PDE8B: variants seen among roughly 807,000 people sequenced by gnomAD.
PDE8B encodes high affinity cAMP-specific and IBMX-insensitive 3',5'-cyclic phosphodiesterase 8B.
A neutral mutation model predicts 101.3 loss-of-function variants in PDE8B; 26 were observed. That is an observed-to-expected ratio of 0.26 (90% CI 0.19 to 0.36). The LOEUF (loss-of-function observed/expected upper bound fraction) is 0.36. Among genes scored for constraint, PDE8B ranks in the 10% least tolerant of loss-of-function variants. The probability of loss-of-function intolerance (pLI) is 1.00; values close to 1 mark genes in which losing one functional copy is unlikely to be tolerated. For missense variants in PDE8B, 810 were observed against 1,163.1 expected, an observed-to-expected ratio of 0.70 and a Z score of 4.42; for synonymous variants, 424 against 429.3, an observed-to-expected ratio of 0.99 and a Z score of 0.15.
At chr5:77,138,553 AGTTT>A in the PDE8B span, among the ~76,000 whole-genome samples, 1 of 152,108 alleles carries the variant, frequency 6.6e-6, no homozygotes, top group Non-Finnish European at 1.5e-5. Flanking sequence ...ATTTCCTATC[AGTTT>A]GTTTATCAAA....
At chr5:77,271,749 A>T (rs1263224486) in intron 1 of PDE8B, among the ~76,000 whole-genome samples, 1 of 152,206 alleles carries the variant, frequency 6.6e-6, no homozygotes, top group Non-Finnish European at 1.5e-5. Context: ...AATGGGAGCC[A>T]CTGTTTCTTG....
the PDE8B span, among the ~76,000 whole-genome samples, chr5:77,166,226 TAAA>T: frequency 2.9e-4 from 34 of 116,354 alleles, no homozygotes; most frequent in East Asian, 2.1e-3. Flanking sequence ...TCGGTAAAGA[TAAA>T]AAAAAAAAAA....
intron 1 of PDE8B, among the ~76,000 whole-genome samples, chr5:77,279,523 C>CT (rs1561461047): frequency 6.6e-6 from 1 of 152,154 alleles, no homozygotes; most frequent in Non-Finnish European, 1.5e-5. Flanking sequence ...CGTCAATCCT[C>CT]TTTTTTTAAA....
At chr5:77,107,433 A>G in the PDE8B span, among the ~76,000 whole-genome samples, 1 of 152,228 alleles carries the variant, frequency 6.6e-6, no homozygotes, top group Non-Finnish European at 1.5e-5. Flanking sequence ...TAGATTCCTT[A>G]GGATTTTCTA....
chr5:77,355,020 C>T (rs1484298479), intron 10 of PDE8B, among the ~76,000 whole-genome samples: 1 of 152,228 alleles, frequency 6.6e-6, no homozygotes, highest in African/African-American at 2.4e-5. Flanking sequence ...CCTTGTGTGC[C>T]CACACTGCCT....
chr5:77,217,616 A>C (rs910874084), intron 1 of PDE8B, among the ~76,000 whole-genome samples: 2 of 151,414 alleles, frequency 1.3e-5, no homozygotes, highest in African/African-American at 4.9e-5. Context: ...GCTAACTGCA[A>C]CCTCCGCCTC....
chr5:77,305,639 AG>A (rs1356313594), intron 1 of PDE8B, among the ~76,000 whole-genome samples: 2 of 152,206 alleles, frequency 1.3e-5, no homozygotes, highest in Non-Finnish European at 2.9e-5. Context: ...GAGGACAGAC[AG>A]GGGCCCATTA....
chr5:77,321,142 A>ATTTTTTTTTTT (rs10538529), intron 2 of PDE8B, among the ~76,000 whole-genome samples: 3 of 76,430 alleles, frequency 3.9e-5, no homozygotes, highest in Non-Finnish European at 7.4e-5. Flanking sequence ...CAGTATCTCT[A>ATTTTTTTTTTT]TTTTTTTTTT....
chr5:77,386,537 T>G (rs1449921468), intron 10 of PDE8B, among the ~76,000 whole-genome samples: 1 of 152,234 alleles, frequency 6.6e-6, no homozygotes, highest in Non-Finnish European at 1.5e-5. Flanking sequence ...TGTAATGGCC[T>G]TCTTTTTCTC....
chr5:77,238,953 T>C (rs1755220328), intron 1 of PDE8B, among the ~76,000 whole-genome samples: 1 of 152,238 alleles, frequency 6.6e-6, no homozygotes, highest in Admixed American at 6.5e-5. Flanking sequence ...ATGTCTTTAC[T>C]CAGTCTACTA....
chr5:77,281,305 G>C (rs1764944148), intron 1 of PDE8B, among the ~76,000 whole-genome samples: 1 of 152,332 alleles, frequency 6.6e-6, no homozygotes, highest in Non-Finnish European at 1.5e-5. Flanking sequence ...TGTTGGCCAG[G>C]ATTCTAATCC....
chr5:77,281,130 A>G (rs1764896932), intron 1 of PDE8B, among the ~76,000 whole-genome samples: 1 of 152,120 alleles, frequency 6.6e-6, no homozygotes, highest in Non-Finnish European at 1.5e-5. Flanking sequence ...GCCCTTCATG[A>G]CACCACTGCC....
At chr5:77,088,777 AG>A in the PDE8B span, 2 of 152,036 alleles carry the variant, frequency 1.3e-5, no homozygotes, top group African/African-American at 4.8e-5. Context: ...GGTACAGGAT[AG>A]GGGGTCATGG....
the PDE8B span, among the ~76,000 whole-genome samples, chr5:77,181,540 T>C: frequency 4.5e-4 from 68 of 152,338 alleles, no homozygotes; most frequent in Non-Finnish European, 7.6e-4. Context: ...CAAGACTAGC[T>C]GTGCCCATCC....
chr5:77,151,065 C>G, the PDE8B span, among the ~76,000 whole-genome samples: 1 of 152,224 alleles, frequency 6.6e-6, no homozygotes, highest in African/African-American at 2.4e-5. Flanking sequence ...GCTGTTTTCT[C>G]TGTTCTGTTT....
At chr5:77,248,051 A>G (rs533380553) in intron 1 of PDE8B, among the ~76,000 whole-genome samples, 54 of 152,320 alleles carry the variant, frequency 3.5e-4, no homozygotes, top group African/African-American at 1.2e-3. Flanking sequence ...TTCATCCCCC[A>G]TGGGACAGCT....
At chr5:77,264,315 C>T (rs1179096522) in intron 1 of PDE8B, among the ~76,000 whole-genome samples, 2 of 152,184 alleles carry the variant, frequency 1.3e-5, no homozygotes, top group African/African-American at 2.4e-5. Flanking sequence ...TATGGTAACT[C>T]TGTGTTTAGC....
chr5:77,290,474 A>G (rs1299279058), intron 1 of PDE8B: 3 of 1,463,090 alleles, frequency 2.1e-6, no homozygotes, highest in African/African-American at 1.4e-5. Flanking sequence ...AAGCAACAGA[A>G]GCATGGAAAA....
At chr5:77,345,580 T>C (rs1204735411) in intron 7 of PDE8B, among the ~76,000 whole-genome samples, 1 of 152,228 alleles carries the variant, frequency 6.6e-6, no homozygotes, top group Admixed American at 6.5e-5. Context: ...AGACATTCAT[T>C]TGTTTACCTG....
Sources: allele counts gnomAD v4.1 joint callset (sites outside exome capture counted in the v4.1 genomes callset), GRCh38; gene constraint gnomAD v4.1.1; transcripts MANE v1.5; gene names NCBI Gene and HGNC (gene_info 2026-07-23, HGNC 2026-07-21).